CEP126: variants seen among roughly 807,000 people sequenced by gnomAD.
CEP126 encodes centrosomal protein 126.
CEP126 carries 74 observed loss-of-function variants against 107.8 expected under a neutral mutation model. That is an observed-to-expected ratio of 0.69 (90% CI 0.57 to 0.83). The LOEUF (loss-of-function observed/expected upper bound fraction) is 0.83, where lower values mean the gene tolerates loss of function less well. Ranked by LOEUF, CEP126 falls within the 40% of genes least tolerant of loss-of-function variation. The pLI, the probability that CEP126 is intolerant of heterozygous loss-of-function variation, is 0.00. For synonymous variants in CEP126, 449 were observed against 446.0 expected, an observed-to-expected ratio of 1.01 and a Z score of -0.08; for missense variants, 1,237 against 1,281.9, an observed-to-expected ratio of 0.96 and a Z score of 0.53.
intron 1 of CEP126, among the ~76,000 whole-genome samples, chr11:101,921,773 A>ATTT (rs1940331218): frequency 1.1e-5 from 1 of 95,040 alleles, no homozygotes; most frequent in Non-Finnish European, 2.1e-5. Flanking sequence ...GAAGTTCATG[A>ATTT]TTTCTTTTTT....
chr11:101,944,282 G>T lies in CEP126; in HGVS notation c.266G>T (p.Arg89Leu). Residue 89 changes from arginine to leucine, a missense_variant, in exon 3 of 11, where the codon CGA becomes CTA. Arg to Leu is a moderately radical substitution (Grantham distance 102). Coordinates refer to ENST00000263468, the MANE Select transcript of CEP126 (RefSeq NM_020802.4). ...NRRKKAFEEK[R>L]KEQEEKEHQI... is the part of the protein sequence containing the mutation. ...AAATATAGAGCTTTTGAGGAGAAAC[G>T]AAAAGAACAGGAAGAAAAAGAACAC... 6.3e-7 allele frequency: 1 copy of T among 1,592,466 alleles called. No homozygotes were observed.
chr11:101,938,463 T>C (rs1355367875), intron 2 of CEP126, among the ~76,000 whole-genome samples: 1 of 151,758 alleles, frequency 6.6e-6, no homozygotes, highest in East Asian at 1.9e-4. Flanking sequence ...TTCTTTCTTC[T>C]TTAGGATAAA....
chr11:101,938,171 A>AAAAAAAAAAAAAAAC (rs1307777067), intron 2 of CEP126, among the ~76,000 whole-genome samples: 2 of 144,594 alleles, frequency 1.4e-5, no homozygotes, highest in African/African-American at 5.1e-5. Context: ...AAAAAAAAAA[A>AAAAAAAAAAAAAAAC]AAAAATACAA....
chr11:101,930,471 G>A (rs1171637475), intron 2 of CEP126, among the ~76,000 whole-genome samples: 3 of 152,126 alleles, frequency 2.0e-5, no homozygotes, highest in Non-Finnish European at 2.9e-5. Flanking sequence ...AGACCCTCGC[G>A]GTGAGTGTTA....
chr11:101,962,974 C>T lies in CEP126; in HGVS notation c.1939C>T (p.His647Tyr). ...SNIENNAENS[H>Y]SLKNKTGTTQ... ...TATAGAAAACAATGCTGAAAACAGTCATTCACTGAAGAATAAAACAGGAAC... is the reference window on the plus strand; with the variant it reads ...TATAGAAAACAATGCTGAAAACAGTTATTCACTGAAGAATAAAACAGGAAC... Residue 647 changes from histidine (H) to tyrosine (Y), a missense_variant, in exon 6 of 11, where the codon CAT becomes TAT. His to Tyr is a moderately conservative substitution (Grantham distance 83, BLOSUM62 2). Coordinates refer to ENST00000263468, the MANE Select transcript of CEP126 (RefSeq NM_020802.4). 6.2e-7 allele frequency: 1 copy of T among 1,612,470 alleles called. No individual in the cohort carries two copies. The highest frequency in any genetic ancestry group is 8.5e-7 in the Non-Finnish European group (1 of 1,179,572).
At chr11:101,929,417 G>A (rs1675122060) in intron 2 of CEP126, among the ~76,000 whole-genome samples, 1 of 152,172 alleles carries the variant, frequency 6.6e-6, no homozygotes, top group African/African-American at 2.4e-5. Flanking sequence ...CAGACAGTTG[G>A]AGGTAGAAGC....
intron 4 of CEP126, among the ~76,000 whole-genome samples, chr11:101,953,535 G>A (rs1165363400): frequency 6.6e-6 from 1 of 152,018 alleles, no homozygotes; most frequent in Admixed American, 6.5e-5. Flanking sequence ...ATAAAGGACA[G>A]GCAAAGAAAG....
At chr11:101,942,755 G>A (rs193301825) in intron 2 of CEP126, among the ~76,000 whole-genome samples, 1 of 151,976 alleles carries the variant, frequency 6.6e-6, no homozygotes, top group East Asian at 1.9e-4. Context: ...CATGAACATG[G>A]TAGGTCTTTA....
At chr11:101,961,409 T>G (rs3781784) in intron 5 of CEP126, among the ~76,000 whole-genome samples, 10,712 of 152,140 alleles carry the variant, frequency 0.07, 571 homozygotes, top group East Asian at 0.27. Context: ...AATCTCACTT[T>G]CTATTACTAA....
chr11:101,953,822 A>T (rs890045703), intron 4 of CEP126, among the ~76,000 whole-genome samples: 16 of 152,298 alleles, frequency 1.1e-4, no homozygotes, highest in African/African-American at 3.8e-4. Flanking sequence ...ATAATTTTAG[A>T]GTACTCTATA....
At chr11:101,943,681 G>A (rs951989318) in intron 2 of CEP126, among the ~76,000 whole-genome samples, 4 of 151,932 alleles carry the variant, frequency 2.6e-5, no homozygotes, top group Non-Finnish European at 4.4e-5. Flanking sequence ...AATAGGGAAT[G>A]GCAGGGATTA....
chr11:101,926,841 G>T (rs933441453), intron 2 of CEP126, among the ~76,000 whole-genome samples: 4 of 150,744 alleles, frequency 2.7e-5, no homozygotes, highest in African/African-American at 1.0e-4. Flanking sequence ...TTTTCTTCAT[G>T]CCCTACAATC....
At chr11:101,995,655 C>T (rs1488289894) in intron 10 of CEP126, among the ~76,000 whole-genome samples, 1 of 152,228 alleles carries the variant, frequency 6.6e-6, no homozygotes, top group African/African-American at 2.4e-5. Flanking sequence ...TACCCTCTCC[C>T]ATTGACAGTA....
Position 101,944,411 on chromosome 11 carries a change from G to A in CEP126, c.394+1G>A, listed in dbSNP as rs749767473. On this transcript the variant is annotated splice_donor_variant, in intron 3 of 10. Transcript: ENST00000263468. LOFTEE classifies it high-confidence loss of function. ...CCTCTTTCACAGCGGAGGAAAGCAG[G>A]TGCCTTAATTTCTAGAACAGTATGA... 1.6e-5 allele frequency: 26 copies of A among 1,607,032 alleles called. No individual in the cohort carries two copies. Among genetic ancestry groups the A allele is most frequent in the Non-Finnish European group, 2.2e-5 (26 of 1,177,888 alleles).
chr11:101,962,805 T>G lies in CEP126; in HGVS notation c.1770T>G (p.Leu590=). Residue 590 remains leucine (L), a synonymous_variant, in exon 6 of 11, where the codon CTT becomes CTG. Transcript: ENST00000263468. ...KKESKYEHGY[L]KALIINQSFK... ...AATCTAAATATGAACATGGTTATCTTAAGGCATTAATTATAAATCAGAGCT... is the reference window on the plus strand; with the variant it reads ...AATCTAAATATGAACATGGTTATCTGAAGGCATTAATTATAAATCAGAGCT... 6.2e-7 allele frequency: 1 copy of G among 1,602,184 alleles called. No individual in the cohort carries two copies. Among genetic ancestry groups the G allele is most frequent in the Non-Finnish European group, 8.5e-7 (1 of 1,176,248 alleles).
rs1941467217 is a variant in CEP126, at chr11:101,998,378, A to T, written c.*735A>T. ...GGTAGACAGATGGCTTGAGCTCAGGAGTTCGTGACCAGCCTGGGCAACCCT... is the reference window on the plus strand; with the variant it reads ...GGTAGACAGATGGCTTGAGCTCAGGTGTTCGTGACCAGCCTGGGCAACCCT... On this transcript the variant is annotated 3_prime_UTR_variant, in exon 11 of 11. Coordinates refer to ENST00000263468, the MANE Select transcript of CEP126 (RefSeq NM_020802.4). 1 of 152,088 alleles carries T rather than the reference A, an allele frequency of 6.6e-6. No individual in the cohort carries two copies. The highest frequency in any genetic ancestry group is 1.5e-5 in the Non-Finnish European group (1 of 68,090). 9.4% of individuals were successfully genotyped at this position (152,088 alleles called of 1,614,324 possible).
intron 4 of CEP126, 43 bp from the exon 5 acceptor site, chr11:101,958,125 C>A: frequency 6.5e-7 from 1 of 1,548,698 alleles, no homozygotes; most frequent in Non-Finnish European, 8.8e-7. Flanking sequence ...AAGAAGTTAA[C>A]TTTATTTAAA....
intron 2 of CEP126, among the ~76,000 whole-genome samples, chr11:101,933,276 CTATGGTAAG>C (rs1940528022): frequency 1.3e-5 from 2 of 152,100 alleles, no homozygotes; most frequent in Admixed American, 1.3e-4. Context: ...GAGATAAATC[CTATGGTAAG>C]GTTAAGCTTA....
chr11:101,952,928 G>A (rs1356767127), intron 4 of CEP126, among the ~76,000 whole-genome samples: 2 of 152,164 alleles, frequency 1.3e-5, no homozygotes, highest in African/African-American at 4.8e-5. Context: ...AACAGTGCAT[G>A]CCAACTAGGT....
Sources: gnomAD v4.1 joint callset for allele counts (sites outside exome capture counted in the v4.1 genomes callset) on GRCh38, gnomAD v4.1.1 for gene constraint, MANE v1.5 for transcripts, NCBI Gene and HGNC (gene_info 2026-07-23, HGNC 2026-07-21) for gene names.